NEDD4: variants seen among roughly 807,000 people sequenced by gnomAD.
NEDD4 encodes the protein E3 ubiquitin-protein ligase NEDD4.
A neutral mutation model predicts 144.9 loss-of-function variants in NEDD4; 99 were observed. That is an observed-to-expected ratio of 0.68 (90% CI 0.58 to 0.81). The LOEUF (loss-of-function observed/expected upper bound fraction) is 0.81. Among genes scored for constraint, NEDD4 ranks in the 30% least tolerant of loss-of-function variants. NEDD4 has a pLI of 0.00. For synonymous variants in NEDD4, 318 were observed against 350.6 expected, an observed-to-expected ratio of 0.91 and a Z score of 1.04; for missense variants, 985 against 1,065.9, an observed-to-expected ratio of 0.92 and a Z score of 1.06.
At position 55,860,642 on chromosome 15, in the gene NEDD4, A is replaced by T. The variant is rs1238714506; in HGVS notation, c.792+19T>A. ...CTATAGCATGTGTCTTTCAAGGAGAACTAGGAAACTACTTATACCTCGGAA... is the reference window on the plus strand; with the variant it reads ...CTATAGCATGTGTCTTTCAAGGAGATCTAGGAAACTACTTATACCTCGGAA... On this transcript the variant is annotated intron_variant, in intron 10 of 28. Coordinates refer to ENST00000435532, the MANE Select transcript of NEDD4 (RefSeq NM_006154.4). 6 of 1,613,782 alleles carry T rather than the reference A, an allele frequency of 3.7e-6. No individual in the cohort carries two copies. Among genetic ancestry groups the T allele is most frequent in the Non-Finnish European group, 5.1e-6 (6 of 1,179,788 alleles).
intron 4 of NEDD4, among the ~76,000 whole-genome samples, chr15:55,925,144 A>C (rs759245796): frequency 4.6e-5 from 7 of 152,238 alleles, no homozygotes; most frequent in Non-Finnish European, 8.8e-5. Context: ...TGCATTTTAA[A>C]ATTACATGAA....
intron 4 of NEDD4, among the ~76,000 whole-genome samples, chr15:55,948,242 A>G (rs1355547049): frequency 6.6e-6 from 1 of 152,224 alleles, no homozygotes; most frequent in Non-Finnish European, 1.5e-5. Context: ...TCCAACTTAC[A>G]AGGGATGTGA....
intron 5 of NEDD4, among the ~76,000 whole-genome samples, chr15:55,909,336 G>A (rs2142185722): frequency 6.6e-6 from 1 of 152,294 alleles, no homozygotes. Context: ...CTTTTCAACA[G>A]TTGCTCCCAT....
intron 1 of NEDD4, among the ~76,000 whole-genome samples, chr15:55,974,894 T>TTC (rs1290465532): frequency 2.1e-5 from 2 of 93,468 alleles, no homozygotes; most frequent in Admixed American, 1.1e-4. Flanking sequence ...TTCCTTTCTT[T>TTC]TTTTTTTTTT....
Position 55,925,124 on chromosome 15 carries a change from T to C in NEDD4, c.238-425A>G, listed in dbSNP as rs983950912. 2.0e-5 allele frequency among the ~76,000 whole-genome samples: 3 copies of C among 152,188 alleles called. No individual in the cohort carries two copies. The East Asian group carries it at 5.8e-4, about 29-fold the overall frequency. ...AGAAGTTGCCATTTTCTAATTCCGA[T>C]TATTTGGAATGCATTTTAAAATTAC... On this transcript the variant is annotated intron_variant, in intron 4 of 28. Coordinates refer to ENST00000435532, the MANE Select transcript of NEDD4 (RefSeq NM_006154.4).
chr15:55,917,578 A>G (rs1236460972), intron 5 of NEDD4, among the ~76,000 whole-genome samples: 1 of 152,158 alleles, frequency 6.6e-6, no homozygotes, highest in Non-Finnish European at 1.5e-5. Context: ...TTTAGCTTCC[A>G]AAGTGCTAGT....
intron 2 of NEDD4, among the ~76,000 whole-genome samples, chr15:55,960,132 C>A (rs114083214): frequency 4.4e-4 from 67 of 152,266 alleles, no homozygotes; most frequent in Admixed American, 1.4e-3. Context: ...CCCCATACCC[C>A]CAAAGGACTG....
chr15:55,884,530 A>C (rs1169713303), intron 5 of NEDD4, among the ~76,000 whole-genome samples: 3 of 152,170 alleles, frequency 2.0e-5, no homozygotes, highest in African/African-American at 7.2e-5. Flanking sequence ...TGTTTTGAGG[A>C]AACTCAATGA....
At chr15:55,869,768 G>T in intron 7 of NEDD4, 87 bp from the exon 8 acceptor site, 1 of 798,046 alleles carries the variant, frequency 1.3e-6, no homozygotes. Context: ...CACCCACTAG[G>T]TACCAGGGGG....
intron 1 of NEDD4, among the ~76,000 whole-genome samples, chr15:55,983,334 C>CAA (rs1304970269): frequency 1.3e-5 from 2 of 152,172 alleles, no homozygotes; most frequent in Non-Finnish European, 2.9e-5. Context: ...GATTTCCATG[C>CAA]TACTTGGTAT....
Position 55,840,002 on chromosome 15 carries a change from ATATATATATATATAT to A in NEDD4, c.2031+430_2031+444del, listed in dbSNP as rs1566901134. 3.5e-3 allele frequency among the ~76,000 whole-genome samples: 72 copies of A among 20,794 alleles called. 1 individual carries two copies. Among genetic ancestry groups the A allele is most frequent in the East Asian group, 6.6e-3 (4 of 606 alleles). 13.6% of individuals were successfully genotyped at this position (20,794 alleles called of 152,430 possible). A position where few individuals can be genotyped will look rare whatever the true frequency, so the allele number is the denominator to read the frequency against. ...AAAAAAAAAAAAAAAAAAAAAAAATATATATATATATATATATATATATATATATATATATATATA... is the reference window on the plus strand; with the variant it reads ...AAAAAAAAAAAAAAAAAAAAAAAATAATATATATATATATATATATATATA... On this transcript the variant is annotated intron_variant, in intron 21 of 28. Transcript: ENST00000435532.
At chr15:55,909,441 G>C (rs1246792981) in intron 5 of NEDD4, among the ~76,000 whole-genome samples, 2 of 152,170 alleles carry the variant, frequency 1.3e-5, no homozygotes, top group African/African-American at 2.4e-5. Flanking sequence ...GTCTTCATCT[G>C]ACCATGGTCT....
At chr15:55,856,299 A>G in intron 11 of NEDD4, 103 bp from the exon 12 acceptor site, 1 of 981,962 alleles carries the variant, frequency 1.0e-6, no homozygotes, top group Non-Finnish European at 1.5e-6. Context: ...CAGAAGAGAG[A>G]AGGCTGGCTA....
chr15:55,858,190 C>T (rs1436180041), intron 11 of NEDD4, among the ~76,000 whole-genome samples: 1 of 152,092 alleles, frequency 6.6e-6, no homozygotes, highest in East Asian at 1.9e-4. Context: ...TTGTTCTCTT[C>T]AATGGCTGCA....
At chr15:55,839,906 C>T (rs1303861574) in intron 21 of NEDD4, among the ~76,000 whole-genome samples, 3 of 136,598 alleles carry the variant, frequency 2.2e-5, no homozygotes, top group South Asian at 2.4e-4. Flanking sequence ...ACTTGGAAAG[C>T]AGAGGTTGCA....
At position 55,924,650 on chromosome 15, in the gene NEDD4, C is replaced by A. The variant is rs533545058; in HGVS notation, c.287G>T (p.Arg96Leu). 1.2e-6 allele frequency: 2 copies of A among 1,608,420 alleles called. No individual in the cohort carries two copies. Among genetic ancestry groups the A allele is most frequent in the Non-Finnish European group, 1.7e-6 (2 of 1,177,108 alleles). The change falls in exon 5 of 29, where the codon CGA becomes CTA. Residue 96 changes from arginine (R) to leucine (L), a missense_variant. By Grantham distance (102) the Arg-to-Leu change is moderately radical. Coordinates refer to ENST00000435532, the MANE Select transcript of NEDD4 (RefSeq NM_006154.4). ...RLLFEVFDEN[R>L]LTRDDFLGQV... is the part of the protein sequence containing the mutation. Reference sequence around the variant, plus strand: ...TATAAGCACAATATAACTTACCAATCGGTTTTCGTCAAACACTTCAAAAAG... The same window carrying A: ...TATAAGCACAATATAACTTACCAATAGGTTTTCGTCAAACACTTCAAAAAG...
chr15:55,933,590 C>T lies in NEDD4; in HGVS notation c.238-8891G>A, dbSNP rs181662519. 6.6e-5 allele frequency among the ~76,000 whole-genome samples: 10 copies of T among 150,902 alleles called. No individual in the cohort carries two copies. In the East Asian group the frequency reaches 1.6e-3, roughly 24 times the overall value. On this transcript the variant is annotated intron_variant, in intron 4 of 28. Coordinates refer to ENST00000435532, the MANE Select transcript of NEDD4 (RefSeq NM_006154.4). ...TAGGAGATGTACCTAATGCAAATGA[C>T]GAGTTAATGGGTGCAGCACACCAAC... is the stretch of plus-strand genomic sequence containing the variant.
At chr15:55,916,700 A>G (rs2036459918) in intron 5 of NEDD4, 1 of 1,614,066 alleles carries the variant, frequency 6.2e-7, no homozygotes, top group African/African-American at 1.3e-5. Flanking sequence ...GAACAACGTT[A>G]GACGTTGAAA....
At chr15:55,983,063 A>C (rs1287346142) in intron 1 of NEDD4, among the ~76,000 whole-genome samples, 1 of 152,192 alleles carries the variant, frequency 6.6e-6, no homozygotes, top group South Asian at 2.1e-4. Context: ...CAGAGGTTGC[A>C]GTGAACCGAG....
Sources: gnomAD v4.1 joint callset for allele counts (sites outside exome capture counted in the v4.1 genomes callset) on GRCh38, gnomAD v4.1.1 for gene constraint, MANE v1.5 for transcripts, NCBI Gene and HGNC (gene_info 2026-07-23, HGNC 2026-07-21) for gene names.